The following SUPT3H variants were observed in gnomAD, a reference collection of about 807,000 sequenced individuals.
SUPT3H encodes the protein SPT3 homolog, SAGA and STAGA complex component.
SUPT3H carries 44 observed loss-of-function variants against 44.3 expected under a neutral mutation model. The observed-to-expected ratio is 0.99, with a 90% confidence interval of 0.78 to 1.28. The LOEUF is 1.28. SUPT3H is among the 50% of genes most tolerant of loss of function. The pLI is 0.00. For missense variants in SUPT3H, 380 were observed against 387.1 expected, an observed-to-expected ratio of 0.98 and a Z score of 0.15; for synonymous variants, 124 against 125.6, an observed-to-expected ratio of 0.99 and a Z score of 0.09.
chr6:44,972,168 G>A (rs182829370), intron 6 of SUPT3H, among the ~76,000 whole-genome samples: 5 of 152,046 alleles, frequency 3.3e-5, no homozygotes, highest in Non-Finnish European at 7.4e-5. Flanking sequence ...CCACTTACAA[G>A]CCTGTAAAAT....
chr6:44,904,362 T>C (rs1442664512), intron 10 of SUPT3H, among the ~76,000 whole-genome samples: 3 of 152,140 alleles, frequency 2.0e-5, no homozygotes, highest in Non-Finnish European at 4.4e-5. Flanking sequence ...ACAAGCATTC[T>C]TATACACCAA....
intron 2 of SUPT3H, among the ~76,000 whole-genome samples, chr6:45,204,478 G>A (rs1762930039): frequency 1.3e-5 from 2 of 152,112 alleles, no homozygotes; most frequent in African/African-American, 4.8e-5. Context: ...CTACTTTGGT[G>A]ATTTCTGACT....
rs569993377 is a variant in SUPT3H at position 44,814,456 on chromosome 6, C to T, written c.*53-4955G>A. Among the ~76,000 whole-genome samples, 327 of 152,216 alleles carry T rather than the reference C, an allele frequency of 2.1e-3. 1 individual carries two copies. The highest frequency in any genetic ancestry group is 7.5e-3 in the African/African-American group (312 of 41,532). On this transcript the variant is annotated intron_variant and NMD_transcript_variant, in intron 11 of 11. Coordinates refer to the SUPT3H transcript ENST00000475057. The stretch of plus-strand genomic sequence containing the variant: ...AAGGAAAACAGTCCCATCACACACA[C>T]GGTAGGCAAAGAGCCAGAAAATTAG...
intron 3 of SUPT3H, among the ~76,000 whole-genome samples, chr6:45,085,294 C>T (rs1236949190): frequency 1.3e-5 from 2 of 152,046 alleles, no homozygotes; most frequent in Middle Eastern, 3.2e-3. Context: ...TCTATGCACC[C>T]AGAAACAAAG....
intron 6 of SUPT3H, among the ~76,000 whole-genome samples, chr6:44,970,620 A>C (rs559122724): frequency 2.0e-5 from 3 of 152,140 alleles, no homozygotes; most frequent in Admixed American, 6.5e-5. Flanking sequence ...TAAAAAAGTG[A>C]ACATGCTAGT....
chr6:45,277,371 C>T (rs553993233), intron 2 of SUPT3H, among the ~76,000 whole-genome samples: 1 of 152,232 alleles, frequency 6.6e-6, no homozygotes, highest in South Asian at 2.1e-4. Context: ...CTGGAATCCT[C>T]AGGCTACAAT....
chr6:45,360,833 T>C (rs941974833), intron 2 of SUPT3H, among the ~76,000 whole-genome samples: 5 of 152,188 alleles, frequency 3.3e-5, no homozygotes, highest in African/African-American at 1.2e-4. Flanking sequence ...AGGTAGCTTA[T>C]CCTCAGAAGA....
intron 2 of SUPT3H, among the ~76,000 whole-genome samples, chr6:45,295,537 A>C (rs1436783406): frequency 6.8e-5 from 10 of 146,798 alleles, no homozygotes; most frequent in African/African-American, 2.5e-4. Context: ...AAAAAAAAAA[A>C]AAAAAAAAAA....
chr6:45,196,467 A>C (rs1016917913), intron 2 of SUPT3H, among the ~76,000 whole-genome samples: 3 of 152,022 alleles, frequency 2.0e-5, no homozygotes, highest in African/African-American at 4.8e-5. Context: ...AATTAGGAAG[A>C]TCTCTACCAG....
intron 2 of SUPT3H, among the ~76,000 whole-genome samples, chr6:45,217,837 C>T (rs1478997626): frequency 6.6e-6 from 1 of 151,926 alleles, no homozygotes; most frequent in African/African-American, 2.4e-5. Context: ...CTGCAGTAGG[C>T]CGAGATCACA....
chr6:45,084,993 A>C (rs1367890513), intron 3 of SUPT3H, among the ~76,000 whole-genome samples: 1 of 152,030 alleles, frequency 6.6e-6, no homozygotes, highest in African/African-American at 2.4e-5. Context: ...CAAGGGTTTA[A>C]AACTACCTGT....
chr6:45,290,599 T>C (rs538101928), intron 2 of SUPT3H, among the ~76,000 whole-genome samples: 3 of 152,252 alleles, frequency 2.0e-5, no homozygotes, highest in Admixed American at 2.0e-4. Context: ...GGCCTTATGA[T>C]CTCTCTTTTA....
At chr6:45,255,065 G>T (rs1301237695) in intron 2 of SUPT3H, among the ~76,000 whole-genome samples, 3 of 152,204 alleles carry the variant, frequency 2.0e-5, no homozygotes, top group Non-Finnish European at 4.4e-5. Flanking sequence ...TAAGAGTAGT[G>T]ATGCTGGCAT....
chr6:44,987,927 G>C (rs780622725), intron 6 of SUPT3H, among the ~76,000 whole-genome samples: 4 of 152,036 alleles, frequency 2.6e-5, no homozygotes, highest in Non-Finnish European at 4.4e-5. Flanking sequence ...TAAGTACCAC[G>C]GGAGAATGGG....
At chr6:44,967,549 A>C (rs1010870318) in intron 6 of SUPT3H, among the ~76,000 whole-genome samples, 1 of 152,204 alleles carries the variant, frequency 6.6e-6, no homozygotes, top group Non-Finnish European at 1.5e-5. Flanking sequence ...GACAATCATC[A>C]TTTGCCCTGT....
chr6:45,182,888 A>G (rs919096421), intron 2 of SUPT3H, among the ~76,000 whole-genome samples: 2 of 152,264 alleles, frequency 1.3e-5, no homozygotes, highest in Non-Finnish European at 2.9e-5. Context: ...TGGAAATACA[A>G]AATGGTCCAG....
chr6:45,302,299 C>G (rs1782255269), intron 2 of SUPT3H, among the ~76,000 whole-genome samples: 1 of 151,682 alleles, frequency 6.6e-6, no homozygotes, highest in Admixed American at 6.6e-5. Context: ...TTACATAATT[C>G]TTATGCCTTT....
At chr6:45,246,970 T>G (rs1353723709) in intron 2 of SUPT3H, among the ~76,000 whole-genome samples, 2 of 151,944 alleles carry the variant, frequency 1.3e-5, no homozygotes, top group Admixed American at 1.3e-4. Flanking sequence ...AAGATATAAT[T>G]GAGACAGAAA....
chr6:45,205,673 T>C (rs910982961), intron 2 of SUPT3H, among the ~76,000 whole-genome samples: 3 of 152,064 alleles, frequency 2.0e-5, no homozygotes, highest in Non-Finnish European at 4.4e-5. Flanking sequence ...GGCAAGTGCC[T>C]GTAATCCTAG....
Sources: gnomAD v4.1 joint callset for allele counts (sites outside exome capture counted in the v4.1 genomes callset) on GRCh38, gnomAD v4.1.1 for gene constraint, MANE v1.5 for transcripts, NCBI Gene and HGNC (gene_info 2026-07-23, HGNC 2026-07-21) for gene names.